ETS1: variants seen among roughly 807,000 people sequenced by gnomAD.
The protein encoded by ETS1 is ETS proto-oncogene 1, transcription factor.
Under a neutral mutation model 58.6 loss-of-function variants are expected in ETS1, and 15 were observed. That is an observed-to-expected ratio of 0.26 (90% CI 0.17 to 0.39). The LOEUF is 0.39. Among genes scored for constraint, ETS1 ranks in the 10% least tolerant of loss-of-function variants. ETS1 has a pLI of 1.00. For missense variants in ETS1, 417 were observed against 610.5 expected, an observed-to-expected ratio of 0.68 and a Z score of 3.34; for synonymous variants, 214 against 218.2, an observed-to-expected ratio of 0.98 and a Z score of 0.17.
chr11:128,513,770 G>C (rs1372333042), intron 3 of ETS1, among the ~76,000 whole-genome samples: 1 of 152,150 alleles, frequency 6.6e-6, no homozygotes, highest in East Asian at 1.9e-4. Context: ...AATCAGACTT[G>C]GGCAGGGGCA....
chr11:128,544,250 G>A lies in ETS1; in HGVS notation c.214+12041C>T. Among the ~76,000 whole-genome samples, 2 of 150,474 alleles carry A rather than the reference G, an allele frequency of 1.3e-5. 1 individual carries two copies. The highest frequency in any genetic ancestry group is 4.2e-4 in the South Asian group (2 of 4,800). On this transcript the variant is annotated intron_variant, in intron 3 of 9. Coordinates refer to ENST00000392668, the MANE Select transcript of ETS1 (RefSeq NM_001143820.2). ...GCTCTTTGAGATAAAAATAGGCATA[G>A]AGCAAACTGTTTCTTCAACTGCTTT...
At position 128,460,941 on chromosome 11, in the gene ETS1, C is replaced by G. The variant is rs1459620690; in HGVS notation, c.*1420G>C. The stretch of plus-strand genomic sequence containing the variant: ...ATACACAGTCTCACCTGACATCCTA[C>G]CGGACTAATTTAAATTCTTCAAAGG... On this transcript the variant is annotated 3_prime_UTR_variant, in exon 10 of 10. Coordinates refer to ENST00000392668, the MANE Select transcript of ETS1 (RefSeq NM_001143820.2). 4.6e-5 allele frequency: 7 copies of G among 152,326 alleles called. No individual in the cohort carries two copies. The highest frequency in any genetic ancestry group is 4.6e-4 in the Admixed American group (7 of 15,278). 9.4% of individuals were successfully genotyped at this position (152,326 alleles called of 1,614,324 possible).
chr11:128,521,894 C>A (rs778044813), intron 3 of ETS1: 8 of 1,585,898 alleles, frequency 5.0e-6, no homozygotes, highest in Middle Eastern at 3.6e-4. Context: ...GGGTGGGGGC[C>A]TCGGCCGTCG....
chr11:128,527,364 A>T (rs976270587), intron 3 of ETS1: 2 of 172,130 alleles, frequency 1.2e-5, no homozygotes, highest in Admixed American at 5.5e-5. Flanking sequence ...AAAATCCAGC[A>T]GTTTAGACAC....
intron 3 of ETS1, among the ~76,000 whole-genome samples, chr11:128,497,200 C>T (rs1176675691): frequency 6.6e-6 from 1 of 152,218 alleles, no homozygotes; most frequent in African/African-American, 2.4e-5. Flanking sequence ...AGTGACCTGA[C>T]TGACCAAAAA....
intron 5 of ETS1, among the ~76,000 whole-genome samples, chr11:128,487,277 T>G (rs1050777384): frequency 1.3e-5 from 2 of 152,222 alleles, no homozygotes; most frequent in Non-Finnish European, 2.9e-5. Flanking sequence ...TGGGAAGATA[T>G]GACTTTTGCT....
chr11:128,540,249 G>A (rs764908386), intron 3 of ETS1, among the ~76,000 whole-genome samples: 5 of 150,990 alleles, frequency 3.3e-5, no homozygotes, highest in Non-Finnish European at 7.4e-5. Context: ...GGAGGCGGAC[G>A]GAGGATGCAG....
chr11:128,518,634 T>C (rs1317751969), intron 3 of ETS1, among the ~76,000 whole-genome samples: 3 of 152,332 alleles, frequency 2.0e-5, no homozygotes, highest in South Asian at 2.1e-4. Flanking sequence ...CTCTGAACCA[T>C]AGAGCTCTTT....
chr11:128,477,923 A>G (rs1862368351), intron 8 of ETS1, among the ~76,000 whole-genome samples: 1 of 152,190 alleles, frequency 6.6e-6, no homozygotes, highest in South Asian at 2.1e-4. Flanking sequence ...ATTTCCTGCC[A>G]CCAAGATAAG....
chr11:128,567,777 C>A (rs547334359), intron 2 of ETS1, among the ~76,000 whole-genome samples: 1 of 152,046 alleles, frequency 6.6e-6, no homozygotes, highest in Non-Finnish European at 1.5e-5. Context: ...GAATTACAGG[C>A]GTCCAATACC....
chr11:128,558,649 C>CAAAAAAAAAAA (rs201114905), intron 2 of ETS1, among the ~76,000 whole-genome samples: 4 of 103,438 alleles, frequency 3.9e-5, no homozygotes, highest in Non-Finnish European at 5.9e-5. Context: ...ATATCCATCC[C>CAAAAAAAAAAA]AAAAAAAAAA....
intron 8 of ETS1, among the ~76,000 whole-genome samples, chr11:128,467,828 C>T (rs1396651982): frequency 2.0e-5 from 3 of 152,132 alleles, no homozygotes; most frequent in African/African-American, 4.8e-5. Context: ...GCCACAACAA[C>T]AGAGGGGTCC....
intron 1 of ETS1, among the ~76,000 whole-genome samples, chr11:128,581,690 C>A (rs1565419276): frequency 6.6e-6 from 1 of 152,128 alleles, no homozygotes; most frequent in Non-Finnish European, 1.5e-5. Flanking sequence ...AGATTAAAAA[C>A]GTCAACTCTA....
At chr11:128,494,219 C>T (rs886753529) in intron 3 of ETS1, among the ~76,000 whole-genome samples, 3 of 152,190 alleles carry the variant, frequency 2.0e-5, no homozygotes, top group Admixed American at 6.5e-5. Context: ...AGAAACACTA[C>T]GCCAACACAG....
At chr11:128,585,348 C>CAAGGAAGGAAGGAAGGAAGGAAGGAAGG (rs973321049) in intron 1 of ETS1, among the ~76,000 whole-genome samples, 1 of 113,106 alleles carries the variant, frequency 8.8e-6, no homozygotes, top group African/African-American at 3.5e-5. Flanking sequence ...AGGAAGGAAG[C>CAAGGAAGGAAGGAAGGAAGGAAGGAAGG]AAGGAAGGAA....
chr11:128,513,917 A>G (rs1013114746), intron 3 of ETS1, among the ~76,000 whole-genome samples: 1 of 152,168 alleles, frequency 6.6e-6, no homozygotes, highest in East Asian at 1.9e-4. Context: ...CAGACTCAAC[A>G]ACACATTTTT....
At chr11:128,496,762 G>C (rs908397479) in intron 3 of ETS1, among the ~76,000 whole-genome samples, 7 of 152,212 alleles carry the variant, frequency 4.6e-5, no homozygotes, top group African/African-American at 1.7e-4. Flanking sequence ...TGATTCCTGT[G>C]ATAGGCACTA....
At chr11:128,519,398 T>G (rs1863605220) in intron 3 of ETS1, among the ~76,000 whole-genome samples, 1 of 152,154 alleles carries the variant, frequency 6.6e-6, no homozygotes, top group South Asian at 2.1e-4. Flanking sequence ...TTAAGCCAGA[T>G]AAGATCCCAC....
intron 2 of ETS1, among the ~76,000 whole-genome samples, chr11:128,564,921 T>G (rs1473882497): frequency 2.0e-5 from 3 of 151,838 alleles, no homozygotes; most frequent in Non-Finnish European, 4.4e-5. Context: ...TTGGGTTTTT[T>G]GTTTTTTTTT....
Sources: gnomAD v4.1 joint callset for allele counts (sites outside exome capture counted in the v4.1 genomes callset) on GRCh38, gnomAD v4.1.1 for gene constraint, MANE v1.5 for transcripts, NCBI Gene and HGNC (gene_info 2026-07-23, HGNC 2026-07-21) for gene names.